Variants in EPB41L2 observed in about 807,000 individuals in gnomAD.
The protein encoded by EPB41L2 is erythrocyte membrane protein band 4.1 like 2, also known as band 4.1-like protein 2.
In EPB41L2, 43 loss-of-function variants were observed where a neutral mutation model predicts 113.0. The ratio of observed to expected loss-of-function variants is 0.38; its 90% CI spans 0.30 to 0.49. EPB41L2 has a LOEUF of 0.49. EPB41L2 is among the 20% of genes least tolerant of loss of function. The probability of loss-of-function intolerance (pLI) is 0.95; values close to 1 mark genes in which losing one functional copy is unlikely to be tolerated. For missense variants in EPB41L2, 1,147 were observed against 1,223.4 expected, an observed-to-expected ratio of 0.94 and a Z score of 0.93; for synonymous variants, 442 against 436.7, an observed-to-expected ratio of 1.01 and a Z score of -0.15.
At chr6:130,967,789 A>G (rs1218288093) in intron 1 of EPB41L2, among the ~76,000 whole-genome samples, 6 of 152,166 alleles carry the variant, frequency 3.9e-5, no homozygotes, top group African/African-American at 1.2e-4. Context: ...TAAAACAACT[A>G]CATGTTCCTA....
intron 1 of EPB41L2, among the ~76,000 whole-genome samples, chr6:130,973,002 C>T (rs1011576241): frequency 6.7e-6 from 1 of 148,810 alleles, no homozygotes; most frequent in Non-Finnish European, 1.5e-5. Context: ...ATCCCAGCTA[C>T]TCGGGAGTCT....
chr6:130,867,428 C>T, intron 16 of EPB41L2, 31 bp downstream of exon 16: 2 of 1,608,986 alleles, frequency 1.2e-6, no homozygotes, highest in East Asian at 4.5e-5. Flanking sequence ...GAAAAAAGAG[C>T]TCGAACAGTC....
intron 1 of EPB41L2, among the ~76,000 whole-genome samples, chr6:131,016,767 GCCA>G (rs1788324701): frequency 6.6e-6 from 1 of 151,438 alleles, no homozygotes; most frequent in Non-Finnish European, 1.5e-5. Context: ...CTGAGATCAT[GCCA>G]CTGAACTCCA....
At chr6:130,963,794 C>T (rs1248230169) in intron 1 of EPB41L2, among the ~76,000 whole-genome samples, 2 of 152,190 alleles carry the variant, frequency 1.3e-5, no homozygotes, top group Non-Finnish European at 2.9e-5. Context: ...TTTTTATTCA[C>T]ATAACCATAA....
chr6:131,055,468 C>G (rs1426302740), intron 1 of EPB41L2, among the ~76,000 whole-genome samples: 3 of 152,168 alleles, frequency 2.0e-5, no homozygotes, highest in Non-Finnish European at 4.4e-5. Context: ...AAAAGTAGTA[C>G]TCAGGTCTGC....
At chr6:130,866,717 A>C (rs1783867354) in intron 16 of EPB41L2, among the ~76,000 whole-genome samples, 1 of 152,252 alleles carries the variant, frequency 6.6e-6, no homozygotes. Flanking sequence ...TCATCTTCTA[A>C]GTGGAGAAAA....
At chr6:130,848,199 TCACACACA>T (rs66469665) in intron 19 of EPB41L2, among the ~76,000 whole-genome samples, 4,604 of 113,398 alleles carry the variant, frequency 0.041, 93 homozygotes, top group African/African-American at 0.067. Context: ...TCTCTCTCTC[TCACACACA>T]CACACACACA....
chr6:130,849,104 C>T (rs1443390107), intron 19 of EPB41L2, among the ~76,000 whole-genome samples: 4 of 152,128 alleles, frequency 2.6e-5, no homozygotes, highest in Admixed American at 2.0e-4. Context: ...GCCCCAAGGG[C>T]CTCAACATAA....
chr6:130,959,107 G>C (rs1208294211), intron 1 of EPB41L2, among the ~76,000 whole-genome samples: 1 of 152,140 alleles, frequency 6.6e-6, no homozygotes, highest in African/African-American at 2.4e-5. Flanking sequence ...CTTGATGTCC[G>C]GGCTGAATAT....
Position 130,869,932 on chromosome 6 carries a change from A to ACTGCTG in EPB41L2, c.2232_2237dup (p.Ser745_Ser746dup), listed in dbSNP as rs147222924. On this transcript the variant is annotated inframe_insertion, in exon 15 of 20. Coordinates refer to ENST00000337057, the MANE Select transcript of EPB41L2 (RefSeq NM_001431.4). ...CTCCCACGTCTTCCTCCTCACTCTC[A>ACTGCTG]CTGCTGCTGCTGCTGCTCTCAGAAG... 1.2e-6 allele frequency: 2 copies of ACTGCTG among 1,611,462 alleles called. No homozygotes were observed. Among genetic ancestry groups the ACTGCTG allele is most frequent in the East Asian group, 2.2e-5 (1 of 44,812 alleles).
At chr6:130,867,652 C>T in intron 15 of EPB41L2, 71 bp from the exon 16 acceptor site, 3 of 1,549,324 alleles carry the variant, frequency 1.9e-6, no homozygotes, top group East Asian at 2.3e-5. Flanking sequence ...GGAACCTTCA[C>T]AAATAATAGT....
At chr6:130,904,288 T>C (rs1797103742) in intron 6 of EPB41L2, among the ~76,000 whole-genome samples, 177 bp downstream of exon 6, 1 of 152,162 alleles carries the variant, frequency 6.6e-6, no homozygotes, top group Non-Finnish European at 1.5e-5. Flanking sequence ...GTGAATAAAA[T>C]TTTTGAAACT....
At chr6:130,980,350 T>G (rs529817995) in intron 1 of EPB41L2, among the ~76,000 whole-genome samples, 20 of 151,660 alleles carry the variant, frequency 1.3e-4, no homozygotes, top group Admixed American at 2.0e-4. Flanking sequence ...GTGGGAGAGA[T>G]AGAGAGGAGA....
At chr6:130,952,009 C>T (rs1235627030) in intron 3 of EPB41L2, among the ~76,000 whole-genome samples, 1 of 152,066 alleles carries the variant, frequency 6.6e-6, no homozygotes, top group African/African-American at 2.4e-5. Flanking sequence ...TATTAAAAGT[C>T]GTGAAGATTT....
intron 19 of EPB41L2, among the ~76,000 whole-genome samples, chr6:130,857,707 C>T (rs903490900): frequency 2.0e-5 from 3 of 151,968 alleles, no homozygotes; most frequent in Non-Finnish European, 2.9e-5. Context: ...CAGGCATGCA[C>T]CAACATGCCC....
intron 1 of EPB41L2, among the ~76,000 whole-genome samples, chr6:130,966,578 G>A (rs918381499): frequency 6.6e-6 from 1 of 152,186 alleles, no homozygotes; most frequent in African/African-American, 2.4e-5. Context: ...GAATGCAAGA[G>A]AGTAACAACA....
intron 1 of EPB41L2, among the ~76,000 whole-genome samples, chr6:131,034,385 A>G (rs1360053476): frequency 1.3e-5 from 2 of 152,182 alleles, no homozygotes; most frequent in Non-Finnish European, 2.9e-5. Flanking sequence ...AGGCAAGCAC[A>G]TTGCCTGAGC....
At chr6:130,879,284 T>A (rs1253507826) in intron 13 of EPB41L2, among the ~76,000 whole-genome samples, 1 of 152,224 alleles carries the variant, frequency 6.6e-6, no homozygotes, top group Non-Finnish European at 1.5e-5. Context: ...AATCTTTGCA[T>A]GGCATGGAAA....
intron 1 of EPB41L2, among the ~76,000 whole-genome samples, chr6:130,959,288 G>A (rs900764740): frequency 3.3e-5 from 5 of 152,148 alleles, no homozygotes; most frequent in African/African-American, 1.2e-4. Context: ...ATGTCTAGAT[G>A]ACCCCAAGAC....
Sources: allele counts gnomAD v4.1 joint callset (sites outside exome capture counted in the v4.1 genomes callset), GRCh38; gene constraint gnomAD v4.1.1; transcripts MANE v1.5; gene names NCBI Gene and HGNC (gene_info 2026-07-23, HGNC 2026-07-21).